ZSCAN5A: variants seen among roughly 807,000 people sequenced by gnomAD.
ZSCAN5A encodes zinc finger and SCAN domain-containing protein 5A.
ZSCAN5A carries 12 observed loss-of-function variants against 23.7 expected under a neutral mutation model. That is an observed-to-expected ratio of 0.51 (90% CI 0.32 to 0.82). ZSCAN5A has a LOEUF of 0.82. Among genes scored for constraint, ZSCAN5A ranks in the 40% least tolerant of loss-of-function variants. ZSCAN5A has a pLI of 0.03. For missense variants in ZSCAN5A, 597 were observed against 617.9 expected (o/e 0.97, Z 0.36); for synonymous variants, 257 against 239.9 (o/e 1.07, Z -0.66).
At chr19:56,273,062 T>C (rs59565427) in intron 2 of ZSCAN5A, 103,491 of 186,114 alleles carry the variant, frequency 0.56, 29,185 homozygotes, top group South Asian at 0.6. Flanking sequence ...TTTCCCTTGA[T>C]GGACACAGTG....
At chr19:56,253,793 T>G (rs568170404) in intron 2 of ZSCAN5A, among the ~76,000 whole-genome samples, 1 of 152,308 alleles carries the variant, frequency 6.6e-6, no homozygotes, top group South Asian at 2.1e-4. Context: ...TGTCTCTTCG[T>G]CAATTCAGGT....
intron 2 of ZSCAN5A, among the ~76,000 whole-genome samples, chr19:56,345,038 G>A (rs187669999): frequency 1.7e-4 from 26 of 152,082 alleles, no homozygotes; most frequent in African/African-American, 5.5e-4. Context: ...CCAGGAGGCG[G>A]AGCTTGCACT....
intron 2 of ZSCAN5A, chr19:56,246,471 G>A: frequency 3.2e-6 from 2 of 624,470 alleles, no homozygotes; most frequent in Non-Finnish European, 5.8e-6. Flanking sequence ...GTCCTAGTGA[G>A]TATGAAGACT....
chr19:56,363,096 C>T (rs536614948), intron 2 of ZSCAN5A: 1 of 152,234 alleles, frequency 6.6e-6, no homozygotes, highest in East Asian at 1.9e-4. Context: ...TTTAATGCTC[C>T]TTGCTGTTTA....
chr19:56,245,962 C>G (rs573908722), intron 2 of ZSCAN5A, among the ~76,000 whole-genome samples: 2 of 152,190 alleles, frequency 1.3e-5, no homozygotes. Flanking sequence ...TGATGCAGCC[C>G]CAATGCCAGT....
chr19:56,290,451 G>A (rs867608631), intron 2 of ZSCAN5A, among the ~76,000 whole-genome samples: 2 of 152,222 alleles, frequency 1.3e-5, no homozygotes, highest in Non-Finnish European at 1.5e-5. Context: ...CTCTGAGCTA[G>A]AGCAGTGCTT....
At chr19:56,248,552 T>G (rs2036119268) in intron 2 of ZSCAN5A, among the ~76,000 whole-genome samples, 1 of 152,156 alleles carries the variant, frequency 6.6e-6, no homozygotes, top group African/African-American at 2.4e-5. Context: ...CACTGCATCC[T>G]GTATTGTTTG....
In ZSCAN5A at chr19:56,234,322, G is replaced by A. The variant is rs145461158; in HGVS notation, c.-127-9149C>T. Among the ~76,000 whole-genome samples, 9 of 152,278 alleles carry A rather than the reference G, an allele frequency of 5.9e-5. No homozygotes were observed. In the East Asian group the frequency reaches 1.2e-3, roughly 20 times the overall value. On this transcript the variant is annotated intron_variant, in intron 2 of 5. Transcript: ENST00000683990. Reference sequence around the variant, plus strand: ...AGGTCATAAAAAGAAAAGAGAAAACGTTTGCAGCCATGCAGGGTGAACAAG... The same window carrying A: ...AGGTCATAAAAAGAAAAGAGAAAACATTTGCAGCCATGCAGGGTGAACAAG...
intron 2 of ZSCAN5A, among the ~76,000 whole-genome samples, chr19:56,280,351 CTAA>C (rs1163632675): frequency 6.6e-6 from 1 of 152,134 alleles, no homozygotes; most frequent in African/African-American, 2.4e-5. Flanking sequence ...CAGTCACATA[CTAA>C]TGGCCACTCA....
chr19:56,288,323 C>T (rs1032761054), intron 2 of ZSCAN5A, among the ~76,000 whole-genome samples: 4 of 152,176 alleles, frequency 2.6e-5, no homozygotes, highest in Admixed American at 2.6e-4. Context: ...CCTCTGTCTG[C>T]GACACTTTCC....
intron 2 of ZSCAN5A, 76 bp from the exon 3 acceptor site, chr19:56,225,249 T>G: frequency 7.6e-7 from 1 of 1,321,412 alleles, no homozygotes; most frequent in Non-Finnish European, 9.9e-7. Flanking sequence ...TCCCTCATCC[T>G]GGATGCCACT....
chr19:56,309,357 T>C (rs1265767114), intron 2 of ZSCAN5A, among the ~76,000 whole-genome samples: 2 of 152,144 alleles, frequency 1.3e-5, no homozygotes, highest in Non-Finnish European at 2.9e-5. Flanking sequence ...TTGATGAAAA[T>C]GTTCCACTCT....
rs897971351 is a variant in ZSCAN5A at position 56,351,288 on chromosome 19, A to G, written c.-358+11947T>C. Among the ~76,000 whole-genome samples the G allele has an allele frequency of 6.6e-6, 1 of 152,092 alleles. No individual in the cohort carries two copies. Among genetic ancestry groups the G allele is most frequent in the Non-Finnish European group, 1.5e-5 (1 of 68,016 alleles). Reference sequence around the variant, plus strand: ...CCACTAGAAACTGGGTCCACTCAACATGGTGATTCCCACCGTCTTCTCCTT... The same window carrying G: ...CCACTAGAAACTGGGTCCACTCAACGTGGTGATTCCCACCGTCTTCTCCTT... On this transcript the variant is annotated intron_variant, in intron 2 of 6. Transcript: ENST00000587340. This position sits in a 1 kb window ranked among gnomAD's most constrained non-coding sequence, Gnocchi z 4.8.
chr19:56,222,596 C>G lies in ZSCAN5A; in HGVS notation c.734G>C (p.Ser245Thr). ...LTSPEPQLPK[S>T]PTDLVRAKEG... The stretch of plus-strand genomic sequence containing the variant: ...ATCCAAGTCTTCATACTCACTGGGA[C>G]TCTTTGGAAGCTGAGGCTCTGGGGA... The change falls in exon 5 of 6, where the codon AGT becomes ACT. Residue 245 changes from serine (S) to threonine (T), a missense_variant. By Grantham distance (58) the Ser-to-Thr change is moderately conservative. Coordinates refer to ENST00000683990, the MANE Select transcript of ZSCAN5A (RefSeq NM_001322064.3). 6.2e-7 allele frequency: 1 copy of G among 1,614,126 alleles called. No homozygotes were observed.
At chr19:56,244,558 A>C in intron 2 of ZSCAN5A, 1 of 1,094,592 alleles carries the variant, frequency 9.1e-7, no homozygotes, top group Non-Finnish European at 1.3e-6. Context: ...TTTGCCCATC[A>C]GGGACACATG....
chr19:56,301,680 C>G (rs988278836), intron 2 of ZSCAN5A, among the ~76,000 whole-genome samples: 1 of 152,122 alleles, frequency 6.6e-6, no homozygotes, highest in Non-Finnish European at 1.5e-5. Context: ...CTGGTTCAAA[C>G]CCCTCTGACA....
At chr19:56,244,485 T>G in intron 2 of ZSCAN5A, 1 of 1,513,840 alleles carries the variant, frequency 6.6e-7, no homozygotes. Flanking sequence ...GGCTGCACGG[T>G]GCAGCTGGAC....
intron 2 of ZSCAN5A, among the ~76,000 whole-genome samples, chr19:56,257,041 T>C (rs535060727): frequency 3.3e-5 from 5 of 152,152 alleles, no homozygotes; most frequent in Non-Finnish European, 7.4e-5. Context: ...ATCAGGGGAA[T>C]ACCTGCGTAA....
chr19:56,338,035 AAGATAAATCTG>A (rs2147444866), intron 2 of ZSCAN5A, among the ~76,000 whole-genome samples: 1 of 152,374 alleles, frequency 6.6e-6, no homozygotes, highest in African/African-American at 2.4e-5. Context: ...AGAGTATAAC[AAGATAAATCTG>A]TTACTGTGAA....
Sources: gnomAD v4.1 joint callset for allele counts (sites outside exome capture counted in the v4.1 genomes callset) on GRCh38, gnomAD v4.1.1 for gene constraint, Gnocchi (gnomAD v3.1) non-coding constraint, MANE v1.5 for transcripts, NCBI Gene and HGNC (gene_info 2026-07-23, HGNC 2026-07-21) for gene names.